Variants in SLC36A1 observed in about 807,000 individuals in gnomAD.
The protein encoded by SLC36A1 is proton-coupled amino acid transporter 1.
In SLC36A1, 30 loss-of-function variants were observed where a neutral mutation model predicts 47.5. The observed-to-expected ratio is 0.63, with a 90% CI of 0.47 to 0.86. SLC36A1 has a LOEUF of 0.86. Ranked by LOEUF, SLC36A1 falls within the 40% of genes least tolerant of loss-of-function variation. SLC36A1 has a pLI of 0.00. For synonymous variants in SLC36A1, 255 were observed against 249.7 expected (o/e 1.02, Z -0.20); for missense variants, 517 against 606.0 (o/e 0.85, Z 1.54).
rs551514678 is a variant in SLC36A1 at position 151,461,443 on chromosome 5, G to T, written c.144-2110G>T. ...GTTCCATTATATATATCAAGCCTCC[G>T]TGCTTCTTCCCCATGCAAACTGAAA... On this transcript the variant is annotated intron_variant, in intron 2 of 10. Coordinates refer to ENST00000243389, the MANE Select transcript of SLC36A1 (RefSeq NM_078483.4). Among the ~76,000 whole-genome samples the T allele has an allele frequency of 1.2e-4, 18 of 152,094 alleles. No homozygotes were observed. In the South Asian group the frequency reaches 3.7e-3, roughly 32 times the overall value.
the SLC36A1 span, chr5:151,544,953 G>A: frequency 6.2e-7 from 1 of 1,614,160 alleles, no homozygotes; most frequent in Non-Finnish European, 8.5e-7. Flanking sequence ...CCTCAATAGA[G>A]ACTCTGACCA....
chr5:151,368,905 G>A, the SLC36A1 span, among the ~76,000 whole-genome samples: 3 of 152,148 alleles, frequency 2.0e-5, no homozygotes, highest in Admixed American at 2.0e-4. Flanking sequence ...AAATCTAAAT[G>A]CCTTTGCTAA....
chr5:151,382,319 C>A, the SLC36A1 span: 1 of 1,025,446 alleles, frequency 9.8e-7, no homozygotes, highest in Admixed American at 1.8e-5. Context: ...GCCTCAGCAG[C>A]CTCAAGTTCA....
chr5:151,347,532 C>T, the SLC36A1 span: 1 of 1,579,142 alleles, frequency 6.3e-7, no homozygotes, highest in Non-Finnish European at 8.7e-7. Context: ...AGGAAGGTGT[C>T]TAGTGTAGAT....
chr5:151,406,731 C>T, the SLC36A1 span, among the ~76,000 whole-genome samples: 1 of 152,192 alleles, frequency 6.6e-6, no homozygotes, highest in African/African-American at 2.4e-5. Context: ...TTTAAGAAGA[C>T]AGCAGCAGCA....
At chr5:151,548,744 G>A in the SLC36A1 span, among the ~76,000 whole-genome samples, 1 of 152,144 alleles carries the variant, frequency 6.6e-6, no homozygotes, top group Admixed American at 6.5e-5. Context: ...GCCTCCCAAA[G>A]TGCTAGGATT....
chr5:151,380,154 A>G, the SLC36A1 span, among the ~76,000 whole-genome samples: 1 of 152,244 alleles, frequency 6.6e-6, no homozygotes, highest in African/African-American at 2.4e-5. Context: ...GACACAGATT[A>G]CCAATATCAG....
At chr5:151,545,051 C>T in the SLC36A1 span, 3 of 1,614,066 alleles carry the variant, frequency 1.9e-6, no homozygotes, top group African/African-American at 1.3e-5. Context: ...TCAAACGCCA[C>T]ACCTCTTGTC....
At chr5:151,533,481 C>A in the SLC36A1 span, among the ~76,000 whole-genome samples, 9 of 151,220 alleles carry the variant, frequency 6.0e-5, no homozygotes, top group African/African-American at 2.2e-4. Context: ...GACTGTTTGC[C>A]CTCCCTAGAA....
the SLC36A1 span, among the ~76,000 whole-genome samples, chr5:151,370,158 T>C: frequency 6.6e-6 from 1 of 152,324 alleles, no homozygotes; most frequent in East Asian, 1.9e-4. Flanking sequence ...TCACTGGAAA[T>C]TTAAAACTGA....
chr5:151,543,494 G>A, the SLC36A1 span: 12 of 1,614,028 alleles, frequency 7.4e-6, no homozygotes, highest in African/African-American at 1.3e-5. Flanking sequence ...GAATTTTCCC[G>A]ATCCAGTTTC....
the SLC36A1 span, among the ~76,000 whole-genome samples, chr5:151,408,371 T>A: frequency 2.0e-5 from 3 of 152,142 alleles, no homozygotes; most frequent in African/African-American, 7.2e-5. Flanking sequence ...GTATTTTTAA[T>A]AGTGACAGGG....
the SLC36A1 span, among the ~76,000 whole-genome samples, chr5:151,408,612 A>G: frequency 1.3e-5 from 2 of 152,240 alleles, no homozygotes; most frequent in Non-Finnish European, 2.9e-5. Flanking sequence ...CAAACATTGT[A>G]TGTCCCCTCC....
chr5:151,545,349 A>T, the SLC36A1 span: 1 of 1,614,194 alleles, frequency 6.2e-7, no homozygotes, highest in Non-Finnish European at 8.5e-7. Flanking sequence ...GATTCAGCAC[A>T]GATATGCTAC....
chr5:151,474,696 A>G (rs1253247410), intron 8 of SLC36A1, among the ~76,000 whole-genome samples: 1 of 152,240 alleles, frequency 6.6e-6, no homozygotes, highest in African/African-American at 2.4e-5. Flanking sequence ...CTCCTGGCTC[A>G]GCATTCTGTG....
chr5:151,548,669 C>T, the SLC36A1 span, among the ~76,000 whole-genome samples: 6 of 152,172 alleles, frequency 3.9e-5, no homozygotes, highest in African/African-American at 7.2e-5. Context: ...TTAGTAGAGA[C>T]GGAGTTTCAC....
chr5:151,426,504 A>C, the SLC36A1 span, among the ~76,000 whole-genome samples: 1 of 152,028 alleles, frequency 6.6e-6, no homozygotes, highest in Non-Finnish European at 1.5e-5. Flanking sequence ...TTGACTTTAC[A>C]CAAACATCTC....
the SLC36A1 span, among the ~76,000 whole-genome samples, chr5:151,385,796 C>A: frequency 6.6e-6 from 1 of 151,904 alleles, no homozygotes; most frequent in Non-Finnish European, 1.5e-5. Context: ...TTTTTGCACA[C>A]AATTCTAGGA....
At chr5:151,537,765 T>C in the SLC36A1 span, 3 of 1,595,558 alleles carry the variant, frequency 1.9e-6, no homozygotes, top group Non-Finnish European at 2.6e-6. Flanking sequence ...GAAGTTCTTG[T>C]TTTGATCCTG....
Sources: gnomAD v4.1 joint callset for allele counts (sites outside exome capture counted in the v4.1 genomes callset) on GRCh38, gnomAD v4.1.1 for gene constraint, MANE v1.5 for transcripts, NCBI Gene and HGNC (gene_info 2026-07-23, HGNC 2026-07-21) for gene names.